The following PHACTR3 variants were observed in gnomAD, a reference collection of about 807,000 sequenced individuals.
PHACTR3 encodes the protein phosphatase and actin regulator 3.
A neutral mutation model predicts 66.8 loss-of-function variants in PHACTR3; 16 were observed. The ratio of observed to expected loss-of-function variants is 0.24; its 90% CI spans 0.16 to 0.36. PHACTR3 has a LOEUF of 0.36. Among genes scored for constraint, PHACTR3 ranks in the 10% least tolerant of loss-of-function variants. The pLI, the probability that PHACTR3 is intolerant of heterozygous loss-of-function variation, is 1.00. For missense variants in PHACTR3, 647 were observed against 719.9 expected (o/e 0.90, Z 1.16); for synonymous variants, 323 against 292.1 (o/e 1.11, Z -1.08).
rs1454234265 is a variant in PHACTR3, at chr20:59,591,059, C to G, written c.109+13442C>G. ...TGCAGCATGCACCACATTTTAAGCACTCTCAACACTTGTGGCTTCCATGAT... is the reference window on the plus strand; with the variant it reads ...TGCAGCATGCACCACATTTTAAGCAGTCTCAACACTTGTGGCTTCCATGAT... On this transcript the variant is annotated intron_variant, in intron 1 of 12. Coordinates refer to the PHACTR3 transcript ENST00000359926. Among the ~76,000 whole-genome samples, 5 of 152,360 alleles carry G rather than the reference C, an allele frequency of 3.3e-5. No homozygotes were observed. The East Asian group carries it at 9.6e-4, about 29-fold the overall frequency.
intron 9 of PHACTR3, among the ~76,000 whole-genome samples, chr20:59,837,413 C>T (rs1027338594): frequency 6.6e-6 from 1 of 152,176 alleles, no homozygotes; most frequent in Non-Finnish European, 1.5e-5. Context: ...TACCGCAGAG[C>T]CCCTTGTTGG....
intron 7 of PHACTR3, among the ~76,000 whole-genome samples, chr20:59,787,628 A>T (rs1362389869): frequency 6.6e-6 from 1 of 152,148 alleles, no homozygotes; most frequent in Non-Finnish European, 1.5e-5. Flanking sequence ...CCAGGAGGAG[A>T]AGAGAGTCCC....
intron 1 of PHACTR3, among the ~76,000 whole-genome samples, chr20:59,613,625 A>G (rs989780545): frequency 2.0e-5 from 3 of 152,236 alleles, no homozygotes; most frequent in Admixed American, 1.3e-4. Context: ...GAGAATGACT[A>G]TCAGGTAGTG....
chr20:59,822,391 G>T lies in PHACTR3; in HGVS notation c.1329-14114G>T, dbSNP rs536116143. 5.1e-4 allele frequency among the ~76,000 whole-genome samples: 77 copies of T among 150,028 alleles called. 2 individuals are homozygous for T. In the South Asian group the frequency reaches 0.015, roughly 29 times the overall value. ...GGGGGAAGAACAAAGCAGATGCGGG[G>T]GCTGCCTTCCGAAGCTTCCATTCCA... On this transcript the variant is annotated intron_variant, in intron 8 of 12. Transcript: ENST00000371015.
At chr20:59,766,443 A>T (rs963000276) in intron 4 of PHACTR3, among the ~76,000 whole-genome samples, 1 of 152,204 alleles carries the variant, frequency 6.6e-6, no homozygotes. Context: ...GAAATAATGG[A>T]TGATGGAACC....
intron 4 of PHACTR3, among the ~76,000 whole-genome samples, chr20:59,756,327 G>A (rs888766518): frequency 1.3e-5 from 2 of 152,194 alleles, no homozygotes; most frequent in Non-Finnish European, 2.9e-5. Flanking sequence ...GTCTCTCCGT[G>A]AGTGTGGGAG....
Position 59,619,268 on chromosome 20 carries a change from G to A in PHACTR3, c.118+14136G>A, listed in dbSNP as rs546615399. On this transcript the variant is annotated intron_variant, in intron 1 of 12. Coordinates refer to ENST00000371015, the MANE Select transcript of PHACTR3 (RefSeq NM_080672.5). ...TGGTGGCCCTGCCCTAATCAGGGAA[G>A]CCCTAAAGGGGACAAAATTCTTCCT... is the stretch of plus-strand genomic sequence containing the variant. Among the ~76,000 whole-genome samples, 8 of 152,274 alleles carry A rather than the reference G, an allele frequency of 5.3e-5. No individual in the cohort carries two copies. The East Asian group carries it at 9.7e-4, about 18-fold the overall frequency.
At chr20:59,713,433 C>T (rs2037976948) in intron 1 of PHACTR3, among the ~76,000 whole-genome samples, 1 of 152,144 alleles carries the variant, frequency 6.6e-6, no homozygotes. Flanking sequence ...CAGGTATTCC[C>T]AGAGAGAACC....
chr20:59,628,758 C>G, intron 1 of PHACTR3: 1 of 985,554 alleles, frequency 1.0e-6, no homozygotes, highest in Non-Finnish European at 1.2e-6. Context: ...TTGTGGGACC[C>G]TGGAAGGCTG....
At chr20:59,712,771 A>G (rs748164261) in intron 1 of PHACTR3, among the ~76,000 whole-genome samples, 6 of 152,252 alleles carry the variant, frequency 3.9e-5, no homozygotes, top group African/African-American at 1.2e-4. Context: ...GGAAAGAAAT[A>G]TATGCTGTAT....
intron 1 of PHACTR3, among the ~76,000 whole-genome samples, chr20:59,672,361 A>G (rs1171703892): frequency 1.3e-5 from 2 of 152,210 alleles, no homozygotes; most frequent in Non-Finnish European, 2.9e-5. Flanking sequence ...TCTAAAGTGG[A>G]GTGATCCTCA....
At chr20:59,628,655 C>A in intron 1 of PHACTR3, 3 of 985,396 alleles carry the variant, frequency 3.0e-6, no homozygotes, top group Non-Finnish European at 3.6e-6. Flanking sequence ...AGTTCATTCT[C>A]CTGACTCCTG....
chr20:59,674,587 TCTC>T (rs1460455661), intron 1 of PHACTR3, among the ~76,000 whole-genome samples: 4 of 32,426 alleles, frequency 1.2e-4, no homozygotes, highest in African/African-American at 9.3e-4. Flanking sequence ...GTTCCCCCCT[TCTC>T]CTGTCCCCGC....
intron 1 of PHACTR3, among the ~76,000 whole-genome samples, chr20:59,580,259 C>G (rs1301322119): frequency 1.3e-5 from 2 of 152,110 alleles, no homozygotes; most frequent in Admixed American, 6.5e-5. Flanking sequence ...CAAGGAAGAA[C>G]CAGGCTGTGT....
chr20:59,644,055 G>A (rs181719052), intron 1 of PHACTR3, among the ~76,000 whole-genome samples: 12 of 152,306 alleles, frequency 7.9e-5, no homozygotes, highest in African/African-American at 2.2e-4. Flanking sequence ...GCCTGCATCC[G>A]TCGGACTTGC....
chr20:59,606,540 C>A (rs1430713452), intron 1 of PHACTR3, among the ~76,000 whole-genome samples: 2 of 152,300 alleles, frequency 1.3e-5, no homozygotes, highest in East Asian at 3.9e-4. Context: ...ATTCAGCCTT[C>A]AGCACTCCAT....
chr20:59,769,653 G>A (rs1040687461), intron 5 of PHACTR3, among the ~76,000 whole-genome samples: 2 of 152,156 alleles, frequency 1.3e-5, no homozygotes, highest in Non-Finnish European at 2.9e-5. Context: ...CCTGAGAGAC[G>A]GCCACACGTC....
chr20:59,725,471 C>T (rs115376542), intron 1 of PHACTR3, among the ~76,000 whole-genome samples: 1,785 of 152,296 alleles, frequency 0.012, 43 homozygotes, highest in African/African-American at 0.041. Flanking sequence ...CCCAGGTGGG[C>T]TGTGAGCTCA....
intron 1 of PHACTR3, among the ~76,000 whole-genome samples, chr20:59,633,429 CTT>C: frequency 1.3e-5 from 2 of 152,248 alleles, no homozygotes; most frequent in South Asian, 4.2e-4. Context: ...CATGCTCTCA[CTT>C]ATAAGTGGGA....
Sources: gnomAD v4.1 joint callset for allele counts (sites outside exome capture counted in the v4.1 genomes callset) on GRCh38, gnomAD v4.1.1 for gene constraint, MANE v1.5 for transcripts, NCBI Gene and HGNC (gene_info 2026-07-23, HGNC 2026-07-21) for gene names.